The following FOXK1 variants were observed in gnomAD, a reference collection of about 807,000 sequenced individuals.
The protein encoded by FOXK1 is forkhead box protein K1.
In FOXK1, 19 loss-of-function variants were observed where a neutral mutation model predicts 51.9. The observed-to-expected ratio is 0.37, with a 90% confidence interval of 0.26 to 0.54. FOXK1 has a LOEUF of 0.54. Among genes scored for constraint, FOXK1 ranks in the 20% least tolerant of loss-of-function variants. The pLI is 0.87. For missense variants in FOXK1, 870 were observed against 1,032.7 expected, an observed-to-expected ratio of 0.84 and a Z score of 2.16; for synonymous variants, 537 against 482.6, an observed-to-expected ratio of 1.11 and a Z score of -1.48.
chr7:4,737,655 G>T (rs1191593892), intron 1 of FOXK1, among the ~76,000 whole-genome samples: 1 of 152,144 alleles, frequency 6.6e-6, no homozygotes, highest in African/African-American at 2.4e-5. Flanking sequence ...TAGGTCCCCT[G>T]CCTGGACCCT....
chr7:4,752,427 G>C (rs1304369879), intron 2 of FOXK1, among the ~76,000 whole-genome samples: 3 of 152,242 alleles, frequency 2.0e-5, no homozygotes, highest in Non-Finnish European at 4.4e-5. Flanking sequence ...TTACAGGCAT[G>C]AGCCACCGCA....
At position 4,743,009 on chromosome 7, in the gene FOXK1, G is replaced by C. The variant is rs1338073467; in HGVS notation, c.746+1986G>C. ...CGGGCATGGTCACCTGTGTGACTCTGTGCGGTCACTTCAGCCCCCCACCTT... is the reference window on the plus strand; with the variant it reads ...CGGGCATGGTCACCTGTGTGACTCTCTGCGGTCACTTCAGCCCCCCACCTT... On this transcript the variant is annotated intron_variant, in intron 2 of 8. Coordinates refer to ENST00000328914, the MANE Select transcript of FOXK1 (RefSeq NM_001037165.2). The surrounding 1 kb of genome is among the most constrained non-coding windows in gnomAD (Gnocchi z 5.3). Among the ~76,000 whole-genome samples, 1 of 152,216 alleles carries C rather than the reference G, an allele frequency of 6.6e-6. No homozygotes were observed. Among genetic ancestry groups the C allele is most frequent in the Non-Finnish European group, 1.5e-5 (1 of 68,046 alleles).
In FOXK1 at chr7:4,735,124, A is replaced by G. The variant is rs1780536018; in HGVS notation, c.561-5714A>G. Among the ~76,000 whole-genome samples, 2 of 152,088 alleles carry G rather than the reference A, an allele frequency of 1.3e-5. No individual in the cohort carries two copies. The highest frequency in any genetic ancestry group is 2.9e-5 in the Non-Finnish European group (2 of 68,000). On this transcript the variant is annotated intron_variant, in intron 1 of 8. Coordinates refer to ENST00000328914, the MANE Select transcript of FOXK1 (RefSeq NM_001037165.2). The surrounding 1 kb of genome is among the most constrained non-coding windows in gnomAD (Gnocchi z 4.7). ...GAATGAAGGCACATGACATGCCCCA[A>G]GTCACTCGGGCTCAGCACTGGTGGA...
At chr7:4,752,531 T>C (rs1264192177) in intron 2 of FOXK1, among the ~76,000 whole-genome samples, 6 of 152,184 alleles carry the variant, frequency 3.9e-5, no homozygotes, top group Admixed American at 3.3e-4. Flanking sequence ...TCACTGTTTG[T>C]TGTGGAGTGC....
chr7:4,738,393 C>T (rs185774529), intron 1 of FOXK1, among the ~76,000 whole-genome samples: 30 of 150,832 alleles, frequency 2.0e-4, no homozygotes, highest in African/African-American at 5.4e-4. Context: ...GCCAAGATTG[C>T]GCCATTGTAT....
In FOXK1 at chr7:4,747,134, C is replaced by A. The variant is rs1780713143; in HGVS notation, c.746+6111C>A. On this transcript the variant is annotated intron_variant, in intron 2 of 8. Transcript: ENST00000328914. This position sits in a 1 kb window ranked among gnomAD's most constrained non-coding sequence, Gnocchi z 9.2. ...ATCTGTTGAAAGGACATCCCCACGCCCGCGTTTCCTGTAATCTCGGAGGGT... is the reference window on the plus strand; with the variant it reads ...ATCTGTTGAAAGGACATCCCCACGCACGCGTTTCCTGTAATCTCGGAGGGT... Among the ~76,000 whole-genome samples, 1 of 152,178 alleles carries A rather than the reference C, an allele frequency of 6.6e-6. No individual in the cohort carries two copies. The highest frequency in any genetic ancestry group is 6.5e-5 in the Admixed American group (1 of 15,268).
chr7:4,690,397 T>C lies in FOXK1; in HGVS notation c.560+7529T>C, dbSNP rs1215854156. Among the ~76,000 whole-genome samples the C allele has an allele frequency of 1.3e-5, 2 of 152,376 alleles. 1 individual carries two copies. Among genetic ancestry groups the C allele is most frequent in the South Asian group, 4.1e-4 (2 of 4,834 alleles). Reference sequence around the variant, plus strand: ...TTAGTGTTTTGCTAGTTGGCAGTTTTTGTGTATCACATATATTTGTTCCAA... The same window carrying C: ...TTAGTGTTTTGCTAGTTGGCAGTTTCTGTGTATCACATATATTTGTTCCAA... On this transcript the variant is annotated intron_variant, in intron 1 of 8. Coordinates refer to ENST00000328914, the MANE Select transcript of FOXK1 (RefSeq NM_001037165.2).
Position 4,707,999 on chromosome 7 carries a change from C to T in FOXK1, c.560+25131C>T, listed in dbSNP as rs1780126463. Among the ~76,000 whole-genome samples the T allele has an allele frequency of 6.6e-6, 1 of 152,036 alleles. No homozygotes were observed. The highest frequency in any genetic ancestry group is 2.4e-5 in the African/African-American group (1 of 41,390). On this transcript the variant is annotated intron_variant, in intron 1 of 8. Coordinates refer to ENST00000328914, the MANE Select transcript of FOXK1 (RefSeq NM_001037165.2). This position sits in a 1 kb window ranked among gnomAD's most constrained non-coding sequence, Gnocchi z 4.1. ...CGCTCAGCCTGTTTTCACCTGTTTT[C>T]TGAAATCTGAGTAAATGTGGAGGGA... is the stretch of plus-strand genomic sequence containing the variant.
chr7:4,682,554 G>T lies in FOXK1; in HGVS notation c.246G>T (p.Ala82=). The T allele has an allele frequency of 8.6e-7, 1 of 1,163,590 alleles. No homozygotes were observed. The highest frequency in any genetic ancestry group is 4.8e-5 in the Admixed American group (1 of 21,002). The allele number at this position is 1,163,590 out of a possible 1,614,324, so 72.1% of individuals were successfully genotyped here. ...GGSSGVSGDS[A]VAGAAPALVA... Reference sequence around the variant, plus strand: ...CCTCCGGGGTATCCGGGGACTCCGCGGTCGCGGGCGCGGCGCCGGCCCTGG... The same window carrying T: ...CCTCCGGGGTATCCGGGGACTCCGCTGTCGCGGGCGCGGCGCCGGCCCTGG... The change falls in exon 1 of 9, where the codon GCG becomes GCT. Residue 82 remains alanine (A), a synonymous_variant. Coordinates refer to ENST00000328914, the MANE Select transcript of FOXK1 (RefSeq NM_001037165.2). This position sits in a 1 kb window ranked among gnomAD's most constrained non-coding sequence, Gnocchi z 7.6.
intron 1 of FOXK1, among the ~76,000 whole-genome samples, chr7:4,718,210 C>A (rs188423203): frequency 6.7e-6 from 1 of 148,776 alleles, no homozygotes; most frequent in East Asian, 1.9e-4. Context: ...AAGTTGGCAT[C>A]GGTGCGCTGT....
chr7:4,740,159 G>A (rs1039583386), intron 1 of FOXK1, among the ~76,000 whole-genome samples: 3 of 152,024 alleles, frequency 2.0e-5, no homozygotes, highest in Non-Finnish European at 2.9e-5. Flanking sequence ...GGCCAGGCGC[G>A]GTGGCTCACG....
chr7:4,713,741 T>C (rs1780203074), intron 1 of FOXK1, among the ~76,000 whole-genome samples: 1 of 151,776 alleles, frequency 6.6e-6, no homozygotes, highest in Non-Finnish European at 1.5e-5. Flanking sequence ...CTGCCCGCCT[T>C]GGCCGCTCAA....
In FOXK1 at chr7:4,729,333, C is replaced by T. The variant is rs1208880068; in HGVS notation, c.561-11505C>T. Among the ~76,000 whole-genome samples, 1 of 152,178 alleles carries T rather than the reference C, an allele frequency of 6.6e-6. No homozygotes were observed. Among genetic ancestry groups the T allele is most frequent in the East Asian group, 1.9e-4 (1 of 5,182 alleles). ...TGGGGCCACCGCCGTTTGGCCGTGT[C>T]AGTCATCTGGGGGTCCCTTAGCCTC... is the stretch of plus-strand genomic sequence containing the variant. On this transcript the variant is annotated intron_variant, in intron 1 of 8. Transcript: ENST00000328914. This position sits in a 1 kb window ranked among gnomAD's most constrained non-coding sequence, Gnocchi z 6.2.
Position 4,767,660 on chromosome 7 carries a change from T to C in FOXK1, c.*5196T>C, listed in dbSNP as rs1010902843. ...GTCTCTCGCCCGGTTCTGTCCCTTA[T>C]TTTTAGATTGTTTTCCTGCATCTTA... On this transcript the variant is annotated 3_prime_UTR_variant, in exon 9 of 9. Transcript: ENST00000328914. The surrounding 1 kb of genome is among the most constrained non-coding windows in gnomAD (Gnocchi z 6.6). The C allele has an allele frequency of 6.6e-6, 1 of 152,230 alleles. No individual in the cohort carries two copies. Among genetic ancestry groups the C allele is most frequent in the Non-Finnish European group, 1.5e-5 (1 of 68,046 alleles). 9.4% of individuals were successfully genotyped at this position (152,230 alleles called of 1,614,324 possible). A position where few individuals can be genotyped will look rare whatever the true frequency, so the allele number is the denominator to read the frequency against.
At chr7:4,736,601 A>AG (rs746943900) in intron 1 of FOXK1, among the ~76,000 whole-genome samples, 1 of 151,560 alleles carries the variant, frequency 6.6e-6, no homozygotes, top group African/African-American at 2.4e-5. Flanking sequence ...TTTAGTAGAG[A>AG]GGGGGGTTTT....
chr7:4,716,107 G>C (rs1780229488), intron 1 of FOXK1, among the ~76,000 whole-genome samples: 1 of 152,044 alleles, frequency 6.6e-6, no homozygotes, highest in African/African-American at 2.4e-5. Flanking sequence ...TGAAATCCCA[G>C]CTACCTGGGA....
chr7:4,686,998 A>T (rs1383398309), intron 1 of FOXK1, among the ~76,000 whole-genome samples: 12 of 150,552 alleles, frequency 8.0e-5, no homozygotes, highest in African/African-American at 2.2e-4. Context: ...AGTGGCGCGA[A>T]CTTGGCTCAC....
rs1780522251 is a variant in FOXK1, at chr7:4,734,283, G to T, written c.561-6555G>T. 6.6e-6 allele frequency among the ~76,000 whole-genome samples: 1 copy of T among 152,186 alleles called. No individual in the cohort carries two copies. The highest frequency in any genetic ancestry group is 6.5e-5 in the Admixed American group (1 of 15,282). ...TGTTTTCTTTGTCCTTCCTGAGACA[G>T]ATCTCATCCAGCCTCTTCCTTTTGA... is the stretch of plus-strand genomic sequence containing the variant. On this transcript the variant is annotated intron_variant, in intron 1 of 8. Coordinates refer to ENST00000328914, the MANE Select transcript of FOXK1 (RefSeq NM_001037165.2). This position sits in a 1 kb window ranked among gnomAD's most constrained non-coding sequence, Gnocchi z 5.2.
intron 1 of FOXK1, among the ~76,000 whole-genome samples, chr7:4,691,070 C>T (rs981892371): frequency 6.6e-6 from 1 of 151,928 alleles, no homozygotes; most frequent in African/African-American, 2.4e-5. Context: ...AAAATGTTGC[C>T]GGGTAATTAA....
Sources: allele counts gnomAD v4.1 joint callset (sites outside exome capture counted in the v4.1 genomes callset), GRCh38; gene constraint gnomAD v4.1.1; non-coding constraint Gnocchi (gnomAD v3.1); transcripts MANE v1.5; gene names NCBI Gene and HGNC (gene_info 2026-07-23, HGNC 2026-07-21).